CDC73: variants seen among roughly 807,000 people sequenced by gnomAD.
The protein encoded by CDC73 is parafibromin.
CDC73 carries 21 observed loss-of-function variants against 83.7 expected under a neutral mutation model. The ratio of observed to expected loss-of-function variants is 0.25; its 90% CI spans 0.18 to 0.36. CDC73 has a LOEUF of 0.36. CDC73 is among the 10% of genes least tolerant of loss of function. The pLI is 1.00. For missense variants in CDC73, 342 were observed against 653.3 expected, an observed-to-expected ratio of 0.52 and a Z score of 5.19; for synonymous variants, 224 against 212.9, an observed-to-expected ratio of 1.05 and a Z score of -0.45.
At chr1:193,146,060 G>A (rs984219305) in intron 7 of CDC73, among the ~76,000 whole-genome samples, 2 of 152,182 alleles carry the variant, frequency 1.3e-5, no homozygotes, top group Non-Finnish European at 2.9e-5. Flanking sequence ...GAGGGGTAAG[G>A]TGGGAAGAGT....
chr1:193,223,546 A>G (rs973504468), intron 13 of CDC73, among the ~76,000 whole-genome samples: 2 of 152,120 alleles, frequency 1.3e-5, no homozygotes, highest in African/African-American at 4.8e-5. Flanking sequence ...TTGTTGGGGA[A>G]GAGGGTGAAC....
intron 5 of CDC73, chr1:193,136,407 TA>T (rs142142810): frequency 0.019 from 3,960 of 210,842 alleles, 59 homozygotes; most frequent in Non-Finnish European, 0.025. Flanking sequence ...ATGGATCTGA[TA>T]TTTTTAAGAG....
intron 1 of CDC73, among the ~76,000 whole-genome samples, chr1:193,122,804 G>A (rs1675484963): frequency 6.6e-6 from 1 of 152,030 alleles, no homozygotes; most frequent in Non-Finnish European, 1.5e-5. Flanking sequence ...TTGTTGGGGT[G>A]GGGGTGATTC....
At chr1:193,127,502 A>G (rs1475742641) in intron 2 of CDC73, among the ~76,000 whole-genome samples, 1 of 152,156 alleles carries the variant, frequency 6.6e-6, no homozygotes, top group Non-Finnish European at 1.5e-5. Context: ...GGTTATTTTA[A>G]CTCAGATCTT....
chr1:193,188,126 A>T (rs1382974320), intron 10 of CDC73, among the ~76,000 whole-genome samples: 1 of 152,214 alleles, frequency 6.6e-6, no homozygotes, highest in Admixed American at 6.5e-5. Flanking sequence ...AGCTAGCCAC[A>T]ATGACCATTT....
At chr1:193,134,143 A>G (rs1572149318) in intron 3 of CDC73, among the ~76,000 whole-genome samples, 1 of 152,150 alleles carries the variant, frequency 6.6e-6, no homozygotes, top group African/African-American at 2.4e-5. Context: ...CCAGTTGTGA[A>G]TAACTAAAAA....
At chr1:193,143,965 T>C (rs1572155984) in intron 7 of CDC73, among the ~76,000 whole-genome samples, 1 of 151,538 alleles carries the variant, frequency 6.6e-6, no homozygotes, top group Non-Finnish European at 1.5e-5. Flanking sequence ...CAAAAATTAG[T>C]GGGGCATGGT....
At position 193,137,303 on chromosome 1, in the gene CDC73, G is replaced by C. The variant is rs141634236; in HGVS notation, c.424-782G>C. Among the ~76,000 whole-genome samples the C allele has an allele frequency of 1.4e-3, 213 of 152,280 alleles. 1 individual carries two copies. The highest frequency in any genetic ancestry group is 5.0e-3 in the African/African-American group (207 of 41,538). On this transcript the variant is annotated intron_variant, in intron 5 of 16. Transcript: ENST00000367435. ...TTTTTACATGATAGATTAATAATAG[G>C]ACATGAATTGGAGCCCAACATCTTT...
chr1:193,236,970 G>A (rs554975946), intron 15 of CDC73: 6 of 148,182 alleles, frequency 4.0e-5, no homozygotes, highest in Admixed American at 3.3e-4. Context: ...TTTAGACGGA[G>A]TCTGGCTCTG....
intron 10 of CDC73, among the ~76,000 whole-genome samples, chr1:193,168,349 G>A (rs1368595525): frequency 6.6e-6 from 1 of 152,156 alleles, no homozygotes; most frequent in Non-Finnish European, 1.5e-5. Context: ...AGTATTGTAG[G>A]CCCTGGGGAT....
intron 10 of CDC73, among the ~76,000 whole-genome samples, chr1:193,178,424 T>C (rs1676649613): frequency 6.6e-6 from 1 of 152,184 alleles, no homozygotes; most frequent in South Asian, 2.1e-4. Context: ...GAAATTACTA[T>C]CTTTTAAAGA....
intron 3 of CDC73, among the ~76,000 whole-genome samples, chr1:193,134,079 G>A (rs1675743617): frequency 6.6e-6 from 1 of 151,942 alleles, no homozygotes; most frequent in African/African-American, 2.4e-5. Flanking sequence ...ATTTAACATA[G>A]AAATCCTGTG....
Position 193,152,394 on chromosome 1 carries a change from A to C in CDC73, c.922A>C (p.Lys308Gln), listed in dbSNP as rs1183049109. 6.2e-7 allele frequency: 1 copy of C among 1,610,798 alleles called. No individual in the cohort carries two copies. The highest frequency in any genetic ancestry group is 1.3e-5 in the African/African-American group (1 of 74,890). The part of the protein sequence containing the change: ...FKGKEETEGF[K>Q]IDTMGTYHGM... ...TTTTTTCGTAGAAACGGAAGGCTTC[A>C]AAATTGACACTATGGGAACCTACCA... The change falls in exon 10 of 17, where the codon AAA (lysine) becomes CAA (glutamine). Residue 308 changes from lysine (K) to glutamine (Q), a missense_variant. This residue lies in a region of CDC73 where 239 missense variants were observed against 420.6 expected (regional missense o/e 0.57). Coordinates refer to ENST00000367435, the MANE Select transcript of CDC73 (RefSeq NM_024529.5).
chr1:193,183,980 T>G (rs1676763856), intron 10 of CDC73, among the ~76,000 whole-genome samples: 1 of 151,900 alleles, frequency 6.6e-6, no homozygotes, highest in Non-Finnish European at 1.5e-5. Context: ...TTTATGTTGC[T>G]TTTATAAGAA....
chr1:193,222,522 C>T (rs1453786170), intron 13 of CDC73, among the ~76,000 whole-genome samples: 1 of 152,148 alleles, frequency 6.6e-6, no homozygotes, highest in East Asian at 1.9e-4. Context: ...ACTCTACTGT[C>T]TTCTAGCTTC....
At chr1:193,140,100 G>T (rs765708389) in intron 6 of CDC73, among the ~76,000 whole-genome samples, 8 of 152,100 alleles carry the variant, frequency 5.3e-5, no homozygotes, top group Admixed American at 2.6e-4. Flanking sequence ...CAGAGAATCC[G>T]CTCAGCTCTA....
intron 13 of CDC73, among the ~76,000 whole-genome samples, chr1:193,225,245 G>GATATATATATATATATATATAT (rs56261261): frequency 2.4e-4 from 35 of 143,592 alleles, no homozygotes; most frequent in Non-Finnish European, 4.4e-4. Context: ...AGTATTCCAT[G>GATATATATATATATATATATAT]ATATATATAT....
intron 8 of CDC73, among the ~76,000 whole-genome samples, chr1:193,148,664 T>TG (rs1676051584): frequency 7.1e-6 from 1 of 141,378 alleles, no homozygotes; most frequent in South Asian, 2.2e-4. Flanking sequence ...TTTTTTTTTT[T>TG]TGAGACAGTC....
chr1:193,168,307 A>C (rs897303837), intron 10 of CDC73, among the ~76,000 whole-genome samples: 3 of 152,192 alleles, frequency 2.0e-5, no homozygotes, highest in African/African-American at 7.2e-5. Context: ...TCATCCAGGA[A>C]ATGTTTGCTG....
Sources: allele counts gnomAD v4.1 joint callset (sites outside exome capture counted in the v4.1 genomes callset), GRCh38; gene constraint gnomAD v4.1.1; regional missense constraint gnomAD v4.1.1; transcripts MANE v1.5; gene names NCBI Gene and HGNC (gene_info 2026-07-23, HGNC 2026-07-21).